Variants in TMPRSS12 observed in about 807,000 individuals in gnomAD.
The protein encoded by TMPRSS12 is transmembrane serine protease 12.
In TMPRSS12, 25 loss-of-function variants were observed where a neutral mutation model predicts 26.0. That is an observed-to-expected ratio of 0.96 (90% CI 0.70 to 1.34). TMPRSS12 has a LOEUF of 1.34. Ranked by LOEUF, TMPRSS12 falls within the 40% of genes most tolerant of loss-of-function variation. The pLI, the probability that TMPRSS12 is intolerant of heterozygous loss-of-function variation, is 0.00. For missense variants in TMPRSS12, 441 were observed against 440.1 expected, an observed-to-expected ratio of 1.00 and a Z score of -0.02; for synonymous variants, 150 against 161.7, an observed-to-expected ratio of 0.93 and a Z score of 0.55.
chr12:50,884,122 A>C (rs1324596030), intron 3 of TMPRSS12, among the ~76,000 whole-genome samples: 1 of 152,232 alleles, frequency 6.6e-6, no homozygotes, highest in African/African-American at 2.4e-5. Context: ...GAAACTCTTA[A>C]CAGTCTAGAC....
chr12:50,861,171 A>G (rs1937930931), intron 3 of TMPRSS12, among the ~76,000 whole-genome samples: 1 of 152,216 alleles, frequency 6.6e-6, no homozygotes, highest in African/African-American at 2.4e-5. Flanking sequence ...TTGGAACTCA[A>G]ATCCAAGTCC....
At chr12:50,876,747 G>A (rs1938116920) in intron 3 of TMPRSS12, among the ~76,000 whole-genome samples, 1 of 145,970 alleles carries the variant, frequency 6.9e-6, no homozygotes. Context: ...GAGCTTCCAA[G>A]GAGCAGAGAT....
chr12:50,883,393 A>C (rs751814805), intron 3 of TMPRSS12, among the ~76,000 whole-genome samples: 1 of 152,250 alleles, frequency 6.6e-6, no homozygotes, highest in African/African-American at 2.4e-5. Flanking sequence ...CCAAGGGTTT[A>C]AAATTAGAAG....
rs564405000 is a variant in TMPRSS12 at position 50,845,597 on chromosome 12, A to T, written c.383+1560A>T. Among the ~76,000 whole-genome samples, 471 of 152,228 alleles carry T rather than the reference A, an allele frequency of 3.1e-3. 3 individuals carry two copies. Among genetic ancestry groups the T allele is most frequent in the African/African-American group, 0.011 (447 of 41,522 alleles). On this transcript the variant is annotated intron_variant, in intron 2 of 4. Transcript: ENST00000398458. ...TATTTCTTCTCTATTTTCTCAGTTG[A>T]TAGCATCATCAACAGCTCCATTACC...
chr12:50,852,102 AATACATAGACC>A (rs1937831433), intron 2 of TMPRSS12, among the ~76,000 whole-genome samples: 3 of 152,276 alleles, frequency 2.0e-5, no homozygotes, highest in Admixed American at 6.5e-5. Flanking sequence ...AACACACTTA[AATACATAGACC>A]ATTGACACTA....
intron 3 of TMPRSS12, among the ~76,000 whole-genome samples, chr12:50,870,119 G>A (rs534384263): frequency 2.0e-5 from 3 of 151,214 alleles, no homozygotes; most frequent in Admixed American, 6.6e-5. Context: ...GCTTGAACCC[G>A]GGAGGCAGAT....
rs984345636 is a variant in TMPRSS12, at chr12:50,876,631, C to A, written c.653-8615C>A. 3.9e-5 allele frequency among the ~76,000 whole-genome samples: 6 copies of A among 151,934 alleles called. No individual in the cohort carries two copies. In the East Asian group the frequency reaches 1.2e-3, roughly 30 times the overall value. On this transcript the variant is annotated intron_variant, in intron 3 of 4. Coordinates refer to ENST00000398458, the MANE Select transcript of TMPRSS12 (RefSeq NM_182559.3). ...CATCCTGGCTAACACGGCGAAACCC[C>A]GTCTCTACTAAATATACAAAAAATT...
chr12:50,855,092 A>C (rs1436551758), intron 2 of TMPRSS12, among the ~76,000 whole-genome samples: 11 of 152,346 alleles, frequency 7.2e-5, no homozygotes, highest in Middle Eastern at 3.4e-3. Flanking sequence ...CTAAAACAGC[A>C]CAGTACTGGT....
intron 3 of TMPRSS12, among the ~76,000 whole-genome samples, chr12:50,868,462 A>G (rs539201306): frequency 1.3e-5 from 2 of 152,326 alleles, no homozygotes; most frequent in South Asian, 4.1e-4. Flanking sequence ...TCCTAAACAT[A>G]TATGCACCTA....
At chr12:50,877,761 C>T (rs964036874) in intron 3 of TMPRSS12, among the ~76,000 whole-genome samples, 8 of 152,112 alleles carry the variant, frequency 5.3e-5, no homozygotes, top group Admixed American at 2.0e-4. Context: ...AGGCATGCGC[C>T]GCCACGCGTG....
At chr12:50,848,296 G>A (rs145078532) in intron 2 of TMPRSS12, 1 of 151,762 alleles carries the variant, frequency 6.6e-6, no homozygotes, top group East Asian at 1.9e-4. Flanking sequence ...CTCCCTCATC[G>A]ACTTCCTGCT....
intron 3 of TMPRSS12, among the ~76,000 whole-genome samples, chr12:50,877,951 A>G (rs1938127714): frequency 6.6e-6 from 1 of 152,180 alleles, no homozygotes. Context: ...GAACAGATTT[A>G]ACAAAAGATG....
Position 50,843,102 on chromosome 12 carries a change from C to T in TMPRSS12, c.138C>T (p.Ala46=), listed in dbSNP as rs755616648. The change falls in exon 1 of 5, where the codon GCC becomes GCT. Residue 46 remains alanine, a synonymous_variant. Transcript: ENST00000398458. The part of the protein sequence containing the change: ...EPAASSQQAE[A]VRKRLRRRRE... ...CGGCTAGTTCCCAGCAGGCTGAGGC[C>T]GTCCGCAAGAGGCTCCGGCGGCGGA... 30 of 1,580,314 alleles carry T rather than the reference C, an allele frequency of 1.9e-5. No individual in the cohort carries two copies. Among genetic ancestry groups the T allele is most frequent in the Non-Finnish European group, 2.4e-5 (28 of 1,163,288 alleles).
intron 3 of TMPRSS12, among the ~76,000 whole-genome samples, chr12:50,881,434 G>A (rs1938162817): frequency 6.6e-6 from 1 of 152,100 alleles, no homozygotes; most frequent in Admixed American, 6.6e-5. Context: ...GGTACAATGT[G>A]TGATATTCAT....
At chr12:50,884,063 T>C (rs562383849) in intron 3 of TMPRSS12, among the ~76,000 whole-genome samples, 1 of 152,150 alleles carries the variant, frequency 6.6e-6, no homozygotes, top group African/African-American at 2.4e-5. Context: ...CACAGATTGG[T>C]TAAAGGATAA....
intron 3 of TMPRSS12, among the ~76,000 whole-genome samples, chr12:50,873,163 G>C (rs1938082939): frequency 2.0e-5 from 3 of 151,708 alleles, no homozygotes; most frequent in Admixed American, 2.0e-4. Flanking sequence ...TATGAATGAT[G>C]CAATGGACTT....
At chr12:50,886,771 C>G (rs1377902353) in intron 4 of TMPRSS12, 1 of 154,458 alleles carries the variant, frequency 6.5e-6, no homozygotes, top group East Asian at 1.9e-4. Context: ...CTATTGTCAA[C>G]ACTTAGAAAC....
intron 3 of TMPRSS12, among the ~76,000 whole-genome samples, chr12:50,861,110 T>C (rs991954080): frequency 2.0e-5 from 3 of 152,142 alleles, no homozygotes; most frequent in African/African-American, 7.2e-5. Context: ...GTTAATGTTA[T>C]TTTTACCCCA....
rs1165920534 is a variant in TMPRSS12 at position 50,858,886 on chromosome 12, A to C, written c.485A>C (p.Asn162Thr). The change falls in exon 3 of 5, where the codon AAC (asparagine) becomes ACC (threonine). Residue 162 changes from asparagine (N) to threonine (T), a missense_variant. Coordinates refer to ENST00000398458, the MANE Select transcript of TMPRSS12 (RefSeq NM_182559.3). ...ATTAAAGCAATCATTATTCATCCAA[A>C]CTTCATTTTGGAATCTTATGTAAAT... ...IKIKAIIIHPNFILESYVNDI... is the reference protein window; with the variant it reads ...IKIKAIIIHPTFILESYVNDI... 6.3e-7 allele frequency: 1 copy of C among 1,594,452 alleles called. No individual in the cohort carries two copies. The highest frequency in any genetic ancestry group is 1.3e-5 in the African/African-American group (1 of 74,708).
Sources: gnomAD v4.1 joint callset for allele counts (sites outside exome capture counted in the v4.1 genomes callset) on GRCh38, gnomAD v4.1.1 for gene constraint, MANE v1.5 for transcripts, NCBI Gene and HGNC (gene_info 2026-07-23, HGNC 2026-07-21) for gene names.